The following CNTNAP4 variants were observed in gnomAD, a reference collection of about 807,000 sequenced individuals.
CNTNAP4 encodes contactin-associated protein-like 4.
Under a neutral mutation model 148.4 loss-of-function variants are expected in CNTNAP4, and 98 were observed. The observed-to-expected ratio is 0.66, with a 90% CI of 0.56 to 0.78. CNTNAP4 has a LOEUF of 0.78. Ranked by LOEUF, CNTNAP4 falls within the 30% of genes least tolerant of loss-of-function variation. The pLI is 0.00. For missense variants in CNTNAP4, 1,935 were observed against 1,565.6 expected (o/e 1.24, Z -3.98); for synonymous variants, 730 against 565.1 (o/e 1.29, Z -4.14).
chr16:76,357,614 T>A (rs2012856893), intron 3 of CNTNAP4, among the ~76,000 whole-genome samples: 1 of 152,212 alleles, frequency 6.6e-6, no homozygotes, highest in South Asian at 2.1e-4. Context: ...TACCTTGCGA[T>A]CTTTTATCTC....
At chr16:76,332,695 G>T (rs980181890) in intron 2 of CNTNAP4, among the ~76,000 whole-genome samples, 1 of 151,684 alleles carries the variant, frequency 6.6e-6, no homozygotes, top group Admixed American at 6.6e-5. Context: ...TTTTCCATAG[G>T]TCTCTTAGAT....
At chr16:76,555,794 A>G (rs2085173470) in intron 23 of CNTNAP4, among the ~76,000 whole-genome samples, 1 of 152,230 alleles carries the variant, frequency 6.6e-6, no homozygotes, top group African/African-American at 2.4e-5. Flanking sequence ...CAGGACAGAA[A>G]CAATATGGAA....
chr16:76,522,208 C>T lies in CNTNAP4; in HGVS notation c.2706C>T (p.Ala902=). ...AGCTGACACCAAAGACACAGCCCGC[C>T]CCCGCTGATGGGCATGTCCTGTTAC... ...VDQLTPKTQP[A]PADGHVLLQL... The change falls in exon 17 of 24, where the codon GCC becomes GCT. Residue 902 remains alanine (A), a synonymous_variant. Transcript: ENST00000611870. 6.2e-7 allele frequency: 1 copy of T among 1,613,938 alleles called. No homozygotes were observed. The highest frequency in any genetic ancestry group is 8.5e-7 in the Non-Finnish European group (1 of 1,179,876).
At chr16:76,424,235 C>T (rs1387033533) in intron 3 of CNTNAP4, among the ~76,000 whole-genome samples, 1 of 152,072 alleles carries the variant, frequency 6.6e-6, no homozygotes, top group African/African-American at 2.4e-5. Context: ...TCTCCCAGTC[C>T]CTTAAGACCC....
intron 12 of CNTNAP4, among the ~76,000 whole-genome samples, chr16:76,482,237 T>G (rs1229172777): frequency 6.6e-6 from 1 of 152,096 alleles, no homozygotes; most frequent in Non-Finnish European, 1.5e-5. Context: ...GGACTGATTG[T>G]ACAAGATAAT....
At chr16:76,315,083 G>A (rs1961564660) in intron 1 of CNTNAP4, among the ~76,000 whole-genome samples, 1 of 147,104 alleles carries the variant, frequency 6.8e-6, no homozygotes, top group Admixed American at 6.6e-5. Flanking sequence ...TTGTGTTGTT[G>A]TTGTTTCTTT....
intron 8 of CNTNAP4, among the ~76,000 whole-genome samples, chr16:76,458,906 C>T (rs544167746): frequency 9.2e-5 from 14 of 152,266 alleles, no homozygotes; most frequent in African/African-American, 3.4e-4. Flanking sequence ...AACTGCTTTC[C>T]ACAGAAGCTG....
At chr16:76,371,260 T>TA (rs2014786881) in intron 3 of CNTNAP4, among the ~76,000 whole-genome samples, 1 of 152,102 alleles carries the variant, frequency 6.6e-6, no homozygotes, top group Non-Finnish European at 1.5e-5. Context: ...ATATGTACCT[T>TA]AATACACATC....
At chr16:76,456,728 T>TA (rs2080744680) in intron 8 of CNTNAP4, among the ~76,000 whole-genome samples, 1 of 152,128 alleles carries the variant, frequency 6.6e-6, no homozygotes, top group South Asian at 2.1e-4. Flanking sequence ...CTATTTTTCT[T>TA]AGAGTTAATT....
At chr16:76,321,146 C>A (rs946355619) in intron 2 of CNTNAP4, among the ~76,000 whole-genome samples, 7 of 152,168 alleles carry the variant, frequency 4.6e-5, no homozygotes, top group African/African-American at 1.4e-4. Context: ...CCCTTCTATT[C>A]TAAATGGTTG....
chr16:76,429,117 G>A (rs1164967957), intron 4 of CNTNAP4, among the ~76,000 whole-genome samples: 2 of 152,074 alleles, frequency 1.3e-5, no homozygotes, highest in Admixed American at 6.6e-5. Context: ...GCAGGCTTTC[G>A]TGGCTTCAAC....
chr16:76,332,913 T>C (rs1964297), intron 2 of CNTNAP4, among the ~76,000 whole-genome samples: 33,015 of 152,002 alleles, frequency 0.22, 3,840 homozygotes, highest in Admixed American at 0.32. Context: ...AGGTTAGTGG[T>C]ACGGGCCAGA....
rs2084374740 is a variant in CNTNAP4 at position 76,539,859 on chromosome 16, T to A, written c.3354+7T>A. 5.1e-6 allele frequency: 8 copies of A among 1,559,852 alleles called. No homozygotes were observed. In the East Asian group the frequency reaches 1.9e-4, roughly 36 times the overall value. On this transcript the variant is annotated splice_region_variant and intron_variant, in intron 20 of 23. Transcript: ENST00000611870. The stretch of plus-strand genomic sequence containing the variant: ...AGGAGTGGTCTTTATAGAGGTAATG[T>A]AGTAAATTCAGCAGAAGCAATCATT...
intron 15 of CNTNAP4, among the ~76,000 whole-genome samples, chr16:76,515,807 A>C (rs2083224252): frequency 6.6e-6 from 1 of 152,192 alleles, no homozygotes; most frequent in African/African-American, 2.4e-5. Flanking sequence ...GATTTAAAAA[A>C]AAAATAGTGC....
rs74766225 is a variant in CNTNAP4, at chr16:76,491,057, A to T, written c.2080+1174A>T. Among the ~76,000 whole-genome samples the T allele has an allele frequency of 4.5e-3, 689 of 152,234 alleles. 2 individuals carry two copies. Among genetic ancestry groups the T allele is most frequent in the African/African-American group, 0.016 (660 of 41,510 alleles). ...CATTTGAACCCTGCATTTCCGATTA[A>T]GTCTCTCTCTATTTATTCTCCACCC... On this transcript the variant is annotated intron_variant, in intron 13 of 23. Transcript: ENST00000611870.
intron 3 of CNTNAP4, among the ~76,000 whole-genome samples, chr16:76,424,599 C>G (rs2050869313): frequency 6.6e-6 from 1 of 151,630 alleles, no homozygotes; most frequent in South Asian, 2.1e-4. Context: ...AGTAAAAATG[C>G]AGAAAAAAAA....
At chr16:76,350,770 A>G (rs1309603941) in intron 2 of CNTNAP4, among the ~76,000 whole-genome samples, 1 of 152,230 alleles carries the variant, frequency 6.6e-6, no homozygotes, top group Non-Finnish European at 1.5e-5. Context: ...TAACAATACT[A>G]CAGCATTTAA....
At chr16:76,511,625 T>A (rs1170153618) in intron 15 of CNTNAP4, among the ~76,000 whole-genome samples, 2 of 152,204 alleles carry the variant, frequency 1.3e-5, no homozygotes, top group Non-Finnish European at 2.9e-5. Flanking sequence ...AACATTTTTA[T>A]TTTAACTTTT....
Position 76,467,400 on chromosome 16 carries a change from G to A in CNTNAP4, c.1532G>A (p.Gly511Glu), listed in dbSNP as rs868171780. 7 of 1,613,898 alleles carry A rather than the reference G, an allele frequency of 4.3e-6. No homozygotes were observed. Among genetic ancestry groups the A allele is most frequent in the Non-Finnish European group, 5.9e-6 (7 of 1,179,848 alleles). The change falls in exon 10 of 24, where the codon GGA (glycine) becomes GAA (glutamate). Residue 511 changes from glycine to glutamate, a missense_variant. Physicochemically the swap from Gly to Glu is moderately conservative, Grantham distance 98. Transcript: ENST00000611870. ...FGSKCKSPLG[G>E]FQGCMRLISI... ...TCCAAATGTAAAAGTCCACTTGGTGGATTTCAGGGATGTATGAGGCTCATT... is the reference window on the plus strand; with the variant it reads ...TCCAAATGTAAAAGTCCACTTGGTGAATTTCAGGGATGTATGAGGCTCATT...
Sources: gnomAD v4.1 joint callset for allele counts (sites outside exome capture counted in the v4.1 genomes callset) on GRCh38, gnomAD v4.1.1 for gene constraint, MANE v1.5 for transcripts, NCBI Gene and HGNC (gene_info 2026-07-23, HGNC 2026-07-21) for gene names.